Variants in WDR93 observed in about 807,000 individuals in gnomAD.
WDR93 encodes the protein WD repeat domain 93.
A neutral mutation model predicts 82.9 loss-of-function variants in WDR93; 73 were observed. That is an observed-to-expected ratio of 0.88 (90% CI 0.73 to 1.07). The LOEUF (loss-of-function observed/expected upper bound fraction) is 1.07, where lower values mean the gene tolerates loss of function less well. Ranked by LOEUF, WDR93 falls within the 50% of genes least tolerant of loss-of-function variation. The pLI, the probability that WDR93 is intolerant of heterozygous loss-of-function variation, is 0.00. For synonymous variants in WDR93, 283 were observed against 300.1 expected, an observed-to-expected ratio of 0.94 and a Z score of 0.59; for missense variants, 738 against 826.0, an observed-to-expected ratio of 0.89 and a Z score of 1.31.
At position 89,703,051 on chromosome 15, in the gene WDR93, AT is replaced by A; in HGVS notation, c.406del (p.Tyr136MetfsTer18). 6.2e-7 allele frequency: 1 copy of A among 1,614,222 alleles called. No homozygotes were observed. ...ATAATCTGTACAGTGCTAAACAAAT[AT>A]ATGCGTGGGAGAAGCTTAAGGTTGA... Reference protein sequence around the residue: ...IYNLYSAKQIYAWEKLKVDVT... With the variant: ...IYNLYSAKQIXAWEKLKVDVT... On this transcript the variant is annotated frameshift_variant, in exon 3 of 17. Transcript: ENST00000268130. LOFTEE classifies it high-confidence loss of function.
chr15:89,712,919 G>A (rs1319727482), intron 5 of WDR93, among the ~76,000 whole-genome samples: 1 of 152,100 alleles, frequency 6.6e-6, no homozygotes, highest in Non-Finnish European at 1.5e-5. Flanking sequence ...GAGGTCAGGA[G>A]TTCAAGACCA....
At chr15:89,708,303 T>C (rs1965812150) in intron 4 of WDR93, among the ~76,000 whole-genome samples, 1 of 152,170 alleles carries the variant, frequency 6.6e-6, no homozygotes, top group Non-Finnish European at 1.5e-5. Context: ...AAATTTCTGC[T>C]CATCGAAAGA....
chr15:89,740,817 G>A (rs1252445429), intron 16 of WDR93, among the ~76,000 whole-genome samples: 1 of 151,990 alleles, frequency 6.6e-6, no homozygotes, highest in Admixed American at 6.6e-5. Context: ...TTATTTAAAA[G>A]CTGCAAATGT....
intron 10 of WDR93, among the ~76,000 whole-genome samples, 178 bp from the exon 11 acceptor site, chr15:89,729,505 G>A (rs1251079994): frequency 1.3e-5 from 2 of 152,134 alleles, no homozygotes; most frequent in Admixed American, 1.3e-4. Context: ...TCATGGGGCT[G>A]CCCAGTCCCT....
intron 1 of WDR93, among the ~76,000 whole-genome samples, chr15:89,695,807 G>A (rs1057460250): frequency 7.2e-6 from 1 of 138,636 alleles, no homozygotes; most frequent in Non-Finnish European, 1.5e-5. Flanking sequence ...ACTCCCTCAT[G>A]CTGTCCTTTT....
chr15:89,707,521 C>A (rs1965773381), intron 4 of WDR93, among the ~76,000 whole-genome samples: 1 of 152,030 alleles, frequency 6.6e-6, no homozygotes, highest in African/African-American at 2.4e-5. Flanking sequence ...TACACTCCAG[C>A]CTGGGTGACA....
chr15:89,719,549 A>G (rs966470275), intron 7 of WDR93: 4 of 152,106 alleles, frequency 2.6e-5, no homozygotes, highest in Non-Finnish European at 5.9e-5. Context: ...TTTAAAATCT[A>G]TTGTGATGTC....
intron 8 of WDR93, 71 bp downstream of exon 8, chr15:89,722,210 A>G (rs1006318759): frequency 8.2e-6 from 10 of 1,216,212 alleles, no homozygotes; most frequent in African/African-American, 7.8e-5. Context: ...CCCATGTCTT[A>G]TCTTTTCAAC....
At chr15:89,693,909 A>G (rs1347327578) in intron 1 of WDR93, among the ~76,000 whole-genome samples, 1 of 152,218 alleles carries the variant, frequency 6.6e-6, no homozygotes, top group Admixed American at 6.5e-5. Context: ...AGAAGTTAAC[A>G]TGGAGGATTA....
intron 14 of WDR93, 37 bp from the exon 15 acceptor site, chr15:89,737,536 C>T: frequency 1.2e-6 from 2 of 1,613,196 alleles, no homozygotes; most frequent in South Asian, 2.2e-5. Context: ...GGACAGAGTC[C>T]AGTAGAAGCC....
chr15:89,717,050 T>A, intron 7 of WDR93, 101 bp downstream of exon 7: 1 of 621,182 alleles, frequency 1.6e-6, no homozygotes, highest in Non-Finnish European at 2.3e-6. Context: ...TCTTTCTTTT[T>A]TTTTTTTTTT....
Position 89,722,068 on chromosome 15 carries a change from G to C in WDR93, c.809G>C (p.Ser270Thr). ...ADPLEMDANV[S>T]FKGDIKLSLP... ...TCCTTGTTTTAGGATGCAAATGTTA[G>C]TTTTAAAGGAGACATTAAATTGAGT... Residue 270 changes from serine (S) to threonine (T), a missense_variant, in exon 8 of 17, where the codon AGT (serine) becomes ACT (threonine). Physicochemically the swap from Ser to Thr is moderately conservative, Grantham distance 58 (BLOSUM62 1). Transcript: ENST00000268130. The C allele has an allele frequency of 6.2e-7, 1 of 1,606,030 alleles. No homozygotes were observed. Among genetic ancestry groups the C allele is most frequent in the South Asian group, 1.1e-5 (1 of 89,664 alleles).
At chr15:89,700,982 A>G (rs1189180405) in intron 1 of WDR93, among the ~76,000 whole-genome samples, 2 of 26,688 alleles carry the variant, frequency 7.5e-5, no homozygotes, top group African/African-American at 2.3e-4. Context: ...GTGTGTGTAC[A>G]CACACACACA....
chr15:89,720,705 A>G (rs1336682830), intron 7 of WDR93, among the ~76,000 whole-genome samples: 1 of 152,208 alleles, frequency 6.6e-6, no homozygotes, highest in Non-Finnish European at 1.5e-5. Flanking sequence ...TACTTTATAT[A>G]TTTGAATCAT....
At chr15:89,690,664 G>A, upstream of WDR93, 2 of 1,532,436 alleles carry the variant, frequency 1.3e-6, no homozygotes, top group Non-Finnish European at 1.8e-6. Flanking sequence ...GAGTCGCACG[G>A]GGCTCAGGCG....
In WDR93 at chr15:89,737,508, A is replaced by G. The variant is rs1303959531; in HGVS notation, c.1609-65A>G. 15 of 1,601,712 alleles carry G rather than the reference A, an allele frequency of 9.4e-6. No homozygotes were observed. The Admixed American group carries it at 2.2e-4, about 23-fold the overall frequency. ...CTCATTCCTTACTGGGGTGACCTCT[A>G]CACGACCTTCCTGTGAGGGACAGAG... is the stretch of plus-strand genomic sequence containing the variant. On this transcript the variant is annotated intron_variant, in intron 14 of 16. Coordinates refer to ENST00000268130, the MANE Select transcript of WDR93 (RefSeq NM_020212.2).
intron 15 of WDR93, 44 bp from the exon 16 acceptor site, chr15:89,737,996 GA>G: frequency 6.4e-7 from 1 of 1,554,920 alleles, no homozygotes; most frequent in Non-Finnish European, 8.7e-7. Flanking sequence ...AGCCCACTGA[GA>G]AAGCGATTGT....
rs528569378 is a variant in WDR93 at position 89,712,515 on chromosome 15, T to C, written c.640+411T>C. Among the ~76,000 whole-genome samples, 25 of 150,960 alleles carry C rather than the reference T, an allele frequency of 1.7e-4. No homozygotes were observed. In the South Asian group the frequency reaches 4.9e-3, roughly 30 times the overall value. On this transcript the variant is annotated intron_variant, in intron 5 of 16. Coordinates refer to ENST00000268130, the MANE Select transcript of WDR93 (RefSeq NM_020212.2). ...GATGGTTTCTTGGCCTTTCCTCATTTTTCAAGGCCTTAAAGAGTACCAGTC... is the reference window on the plus strand; with the variant it reads ...GATGGTTTCTTGGCCTTTCCTCATTCTTCAAGGCCTTAAAGAGTACCAGTC...
intron 1 of WDR93, among the ~76,000 whole-genome samples, chr15:89,694,502 T>G (rs1471717183): frequency 6.6e-6 from 1 of 152,206 alleles, no homozygotes; most frequent in African/African-American, 2.4e-5. Context: ...CCCAAAGTGC[T>G]GGGATTACAG....
Sources: gnomAD v4.1 joint callset for allele counts (sites outside exome capture counted in the v4.1 genomes callset) on GRCh38, gnomAD v4.1.1 for gene constraint, MANE v1.5 for transcripts, NCBI Gene and HGNC (gene_info 2026-07-23, HGNC 2026-07-21) for gene names.